The following CDK14 variants were observed in gnomAD, a reference collection of about 807,000 sequenced individuals.
CDK14 encodes cyclin dependent kinase 14.
In CDK14, 34 loss-of-function variants were observed where a neutral mutation model predicts 60.7. The observed-to-expected ratio is 0.56, with a 90% CI of 0.43 to 0.75. The LOEUF is 0.75. Ranked by LOEUF, CDK14 falls within the 30% of genes least tolerant of loss-of-function variation. The pLI, the probability that CDK14 is intolerant of heterozygous loss-of-function variation, is 0.00. For missense variants in CDK14, 482 were observed against 564.1 expected, an observed-to-expected ratio of 0.85 and a Z score of 1.47; for synonymous variants, 197 against 203.7, an observed-to-expected ratio of 0.97 and a Z score of 0.28.
chr7:90,872,725 G>A (rs999663417), intron 6 of CDK14, among the ~76,000 whole-genome samples: 1 of 151,640 alleles, frequency 6.6e-6, no homozygotes, highest in Non-Finnish European at 1.5e-5. Context: ...CTCCTTATTA[G>A]ATACTTATAA....
chr7:91,171,969 T>C (rs1007174835), intron 14 of CDK14, among the ~76,000 whole-genome samples: 7 of 152,226 alleles, frequency 4.6e-5, no homozygotes, highest in Admixed American at 4.6e-4. Context: ...TAAAAATGTG[T>C]ACTGTTATTT....
At chr7:91,042,348 A>C (rs7782255) in intron 10 of CDK14, among the ~76,000 whole-genome samples, 41,402 of 151,772 alleles carry the variant, frequency 0.27, 7,510 homozygotes, top group African/African-American at 0.51. Flanking sequence ...TCCCGGTAGC[A>C]TTTCTCCCTG....
intron 6 of CDK14, among the ~76,000 whole-genome samples, chr7:90,881,911 G>A (rs767031750): frequency 2.6e-5 from 4 of 152,002 alleles, no homozygotes; most frequent in African/African-American, 7.3e-5. Context: ...ACCACCACGC[G>A]TGCCCTGCAA....
chr7:91,050,903 T>A (rs1797372843), intron 11 of CDK14, among the ~76,000 whole-genome samples: 1 of 152,216 alleles, frequency 6.6e-6, no homozygotes, highest in African/African-American at 2.4e-5. Flanking sequence ...GTAGATCCCA[T>A]GTCTCCGTGG....
intron 2 of CDK14, among the ~76,000 whole-genome samples, chr7:90,639,204 G>C (rs11973111): frequency 6.6e-6 from 1 of 152,054 alleles, no homozygotes; most frequent in African/African-American, 2.4e-5. Flanking sequence ...GAGGAGAGGT[G>C]CTCTGCTTAG....
rs78056547 is a variant in CDK14 at position 91,125,383 on chromosome 7, G to C, written c.*28+7175G>C. 4.5e-4 allele frequency among the ~76,000 whole-genome samples: 69 copies of C among 152,244 alleles called. 1 individual carries two copies. The East Asian group carries it at 0.012, about 27-fold the overall frequency. On this transcript the variant is annotated intron_variant, in intron 14 of 14. Coordinates refer to ENST00000380050, the MANE Select transcript of CDK14 (RefSeq NM_001287135.2). ...GACAAAGTTAAACACTTTAGCTAAA[G>C]TATTACAAGTATAATTAACAAAAAG... is the stretch of plus-strand genomic sequence containing the variant.
At chr7:91,011,071 T>C (rs117144128) in intron 10 of CDK14, among the ~76,000 whole-genome samples, 2,426 of 152,104 alleles carry the variant, frequency 0.016, 24 homozygotes, top group Non-Finnish European at 0.022. Flanking sequence ...TTGCAGACAA[T>C]TGATACTGCT....
intron 14 of CDK14, among the ~76,000 whole-genome samples, chr7:91,162,674 G>T (rs952270850): frequency 1.9e-4 from 29 of 152,128 alleles, no homozygotes; most frequent in African/African-American, 7.0e-4. Flanking sequence ...CTACACTTCT[G>T]GTTCCTCATT....
chr7:90,892,430 A>C (rs1792165349), intron 6 of CDK14, among the ~76,000 whole-genome samples: 1 of 152,230 alleles, frequency 6.6e-6, no homozygotes, highest in Admixed American at 6.5e-5. Context: ...TATAGTTCTC[A>C]GATCTGCATA....
At chr7:90,907,346 A>C (rs544507291) in intron 7 of CDK14, among the ~76,000 whole-genome samples, 2 of 152,142 alleles carry the variant, frequency 1.3e-5, no homozygotes, top group South Asian at 4.2e-4. Flanking sequence ...TGACCATTGC[A>C]CTTTCACAAA....
chr7:90,659,869 CTCTCTCTG>C (rs1277123487), intron 2 of CDK14, among the ~76,000 whole-genome samples: 98 of 145,810 alleles, frequency 6.7e-4, no homozygotes, highest in African/African-American at 1.6e-3. Context: ...CTCTCTCTCT[CTCTCTCTG>C]TGTGTGTGTG....
At chr7:90,812,458 G>T (rs1789166933) in intron 5 of CDK14, among the ~76,000 whole-genome samples, 1 of 152,086 alleles carries the variant, frequency 6.6e-6, no homozygotes, top group Non-Finnish European at 1.5e-5. Flanking sequence ...CACACACTGG[G>T]GCCTGTTGTG....
At chr7:90,835,689 G>A (rs991703931) in intron 5 of CDK14, among the ~76,000 whole-genome samples, 1 of 152,084 alleles carries the variant, frequency 6.6e-6, no homozygotes, top group African/African-American at 2.4e-5. Context: ...GTAGTCCAGT[G>A]TACAGTACTA....
chr7:91,149,923 C>T lies in CDK14; in HGVS notation c.*28+31715C>T, dbSNP rs151268412. ...AGGGGATTGCGATGTAGTGATTTCA[C>T]GCTCAGTTGTTGGCTAACAAGGCAC... On this transcript the variant is annotated intron_variant, in intron 14 of 14. Transcript: ENST00000380050. Among the ~76,000 whole-genome samples the T allele has an allele frequency of 1.6e-4, 25 of 152,276 alleles. No homozygotes were observed. In the East Asian group the frequency reaches 3.9e-3, roughly 23 times the overall value.
chr7:90,782,085 T>A (rs910559317), intron 4 of CDK14, among the ~76,000 whole-genome samples: 3 of 152,140 alleles, frequency 2.0e-5, no homozygotes, highest in African/African-American at 7.2e-5. Context: ...TATCCTCTTT[T>A]ATTTCATTGA....
chr7:91,075,290 C>T (rs189022246), intron 11 of CDK14, among the ~76,000 whole-genome samples: 1 of 150,980 alleles, frequency 6.6e-6, no homozygotes, highest in African/African-American at 2.4e-5. Context: ...AAGCTTCATC[C>T]CCAGGATGCA....
intron 14 of CDK14, among the ~76,000 whole-genome samples, chr7:91,152,285 C>G (rs992048083): frequency 6.6e-6 from 1 of 152,106 alleles, no homozygotes; most frequent in Non-Finnish European, 1.5e-5. Flanking sequence ...TTTTTGTCTC[C>G]TTCACTTATT....
At chr7:90,741,455 A>G (rs765266352) in intron 3 of CDK14, among the ~76,000 whole-genome samples, 97 of 152,304 alleles carry the variant, frequency 6.4e-4, no homozygotes, top group Non-Finnish European at 1.3e-3. Flanking sequence ...CATTACACAG[A>G]ATGAGGAAAC....
At chr7:91,078,606 G>GA (rs57370352) in intron 11 of CDK14, among the ~76,000 whole-genome samples, 33 of 149,292 alleles carry the variant, frequency 2.2e-4, no homozygotes, top group African/African-American at 4.6e-4. Context: ...GGCTCTGTCT[G>GA]AAAAAAAAAA....
Sources: allele counts gnomAD v4.1 joint callset (sites outside exome capture counted in the v4.1 genomes callset), GRCh38; gene constraint gnomAD v4.1.1; transcripts MANE v1.5; gene names NCBI Gene and HGNC (gene_info 2026-07-23, HGNC 2026-07-21).